The following ERBB2 variants were observed in gnomAD, a reference collection of about 807,000 sequenced individuals.
The protein encoded by ERBB2 is erb-b2 receptor tyrosine kinase 2.
A neutral mutation model predicts 149.0 loss-of-function variants in ERBB2; 61 were observed. The ratio of observed to expected loss-of-function variants is 0.41; its 90% CI spans 0.33 to 0.51. ERBB2 has a LOEUF of 0.51. Ranked by LOEUF, ERBB2 falls within the 20% of genes least tolerant of loss-of-function variation. The pLI, the probability that ERBB2 is intolerant of heterozygous loss-of-function variation, is 0.25. For synonymous variants in ERBB2, 633 were observed against 678.8 expected, an observed-to-expected ratio of 0.93 and a Z score of 1.05; for missense variants, 1,205 against 1,655.1, an observed-to-expected ratio of 0.73 and a Z score of 4.72.
intron 2 of ERBB2, 189 bp from the exon 3 acceptor site, chr17:39,708,132 A>T: frequency 1.9e-6 from 1 of 539,550 alleles, no homozygotes; most frequent in South Asian, 2.8e-5. Flanking sequence ...TTTCTTGATC[A>T]TATAAGAATC....
At chr17:39,710,621 C>G (rs553605764) in intron 7 of ERBB2, 140 bp downstream of exon 7, 1 of 1,044,864 alleles carries the variant, frequency 9.6e-7, no homozygotes, top group Admixed American at 2.2e-5. Context: ...CTTGTTCTTT[C>G]AACAGCTGTG....
chr17:39,708,273 G>A, intron 2 of ERBB2, 48 bp from the exon 3 acceptor site: 1 of 1,517,464 alleles, frequency 6.6e-7, no homozygotes, highest in Non-Finnish European at 9.1e-7. Context: ...GAGGCCCTGG[G>A]GGGTGGCAGT....
At position 39,710,443 on chromosome 17, in the gene ERBB2, G is replaced by A. The variant is rs760205387; in HGVS notation, c.863G>A (p.Arg288Gln). Residue 288 changes from arginine (R) to glutamine (Q), a missense_variant, in exon 7 of 27, where the codon CGG becomes CAG. Physicochemically the swap from Arg to Gln is conservative, Grantham distance 43. Transcript: ENST00000269571. ...TFESMPNPEG[R>Q]YTFGASCVTA... ...GAGTCCATGCCCAATCCCGAGGGCC[G>A]GTATACATTCGGCGCCAGCTGTGTG... The A allele has an allele frequency of 8.1e-5, 131 of 1,613,920 alleles. No homozygotes were observed. The highest frequency in any genetic ancestry group is 9.3e-5 in the Non-Finnish European group (110 of 1,180,032).
At chr17:39,710,998 C>T (rs892252128) in intron 7 of ERBB2, among the ~76,000 whole-genome samples, 5 of 152,190 alleles carry the variant, frequency 3.3e-5, no homozygotes, top group African/African-American at 9.7e-5. Context: ...CTCCCAGGTT[C>T]GTGCTATTCT....
chr17:39,696,267 C>G (rs535246549), upstream of ERBB2, among the ~76,000 whole-genome samples: 1 of 152,196 alleles, frequency 6.6e-6, no homozygotes, highest in South Asian at 2.1e-4. Flanking sequence ...AGGCTCGGCC[C>G]CTCTCGAGCC....
rs373165016 is a variant in ERBB2 at position 39,725,078 on chromosome 17, C to T, written c.2523C>T (p.Leu841=). 2.2e-5 allele frequency: 36 copies of T among 1,614,000 alleles called. No homozygotes were observed. The highest frequency in any genetic ancestry group is 1.6e-4 in the Middle Eastern group (1 of 6,084). Residue 841 remains leucine (L), a synonymous_variant, in exon 21 of 27, where the codon CTC becomes CTT. Transcript: ENST00000269571. The surrounding 1 kb of genome is among the most constrained non-coding windows in gnomAD (Gnocchi z 4.6). ...KGMSYLEDVR[L]VHRDLAARNV... Reference sequence around the variant, plus strand: ...TGAGCTACCTGGAGGATGTGCGGCTCGTACACAGGGACTTGGCCGCTCGGA... The same window carrying T: ...TGAGCTACCTGGAGGATGTGCGGCTTGTACACAGGGACTTGGCCGCTCGGA...
In ERBB2 at chr17:39,725,923, G is replaced by A. The variant is rs2143090798; in HGVS notation, c.2872+70G>A. On this transcript the variant is annotated intron_variant, in intron 23 of 26. Transcript: ENST00000269571. The surrounding 1 kb of genome is among the most constrained non-coding windows in gnomAD (Gnocchi z 4.6). ...TCCTGGGTGGAGGAGCCCACAAGGG[G>A]CATGAAAGGGGACCAGGATGTATGT... 2 of 1,536,092 alleles carry A rather than the reference G, an allele frequency of 1.3e-6. No individual in the cohort carries two copies. Among genetic ancestry groups the A allele is most frequent in the East Asian group, 2.3e-5 (1 of 44,440 alleles).
At position 39,727,983 on chromosome 17, in the gene ERBB2, C is replaced by T. The variant is rs2143317422; in HGVS notation, c.3707C>T (p.Thr1236Ile). The T allele has an allele frequency of 6.2e-7, 1 of 1,613,280 alleles. No individual in the cohort carries two copies. Among genetic ancestry groups the T allele is most frequent in the South Asian group, 1.1e-5 (1 of 91,086 alleles). Residue 1236 changes from threonine to isoleucine, a missense_variant, in exon 27 of 27, where the codon ACC becomes ATC. Coordinates refer to ENST00000269571, the MANE Select transcript of ERBB2 (RefSeq NM_004448.4). This position sits in a 1 kb window ranked among gnomAD's most constrained non-coding sequence, Gnocchi z 4.3. ...CCAGAGCGGGGGGCTCCACCCAGCA[C>T]CTTCAAAGGGACACCTACGGCAGAG... Reference protein sequence around the residue: ...DPPERGAPPSTFKGTPTAENP... With the variant: ...DPPERGAPPSIFKGTPTAENP...
chr17:39,698,120 T>C (rs1171818509), upstream of ERBB2, among the ~76,000 whole-genome samples: 1 of 152,238 alleles, frequency 6.6e-6, no homozygotes, highest in Non-Finnish European at 1.5e-5. Flanking sequence ...TGCCAAGTAT[T>C]GCGCTGAGTG....
At position 39,706,907 on chromosome 17, in the gene ERBB2, C is replaced by G. The variant is rs1597859572; in HGVS notation, c.74-83C>G. On this transcript the variant is annotated intron_variant, in intron 1 of 26. Transcript: ENST00000269571. ...CTTCTCCCTGTCTGAGGTGGCATGACTTGGAGTGAGTTTGGATGGGGTGGC... is the reference window on the plus strand; with the variant it reads ...CTTCTCCCTGTCTGAGGTGGCATGAGTTGGAGTGAGTTTGGATGGGGTGGC... The G allele has an allele frequency of 2.2e-6, 3 of 1,380,364 alleles. No homozygotes were observed. The East Asian group carries it at 8.1e-5, about 37-fold the overall frequency. The allele number at this position is 1,380,364 out of a possible 1,614,324, so 85.5% of individuals were successfully genotyped here. A position where few individuals can be genotyped will look rare whatever the true frequency, so the allele number is the denominator to read the frequency against.
At chr17:39,708,041 G>A in intron 2 of ERBB2, 1 of 352,902 alleles carries the variant, frequency 2.8e-6, no homozygotes, top group Non-Finnish European at 5.1e-6. Context: ...CCAGGCCTTT[G>A]CTTTCACTGA....
rs2145859643 is a variant in ERBB2 at position 39,725,003 on chromosome 17, G to C, written c.2494-46G>C. On this transcript the variant is annotated intron_variant, in intron 20 of 26. Coordinates refer to ENST00000269571, the MANE Select transcript of ERBB2 (RefSeq NM_004448.4). This position sits in a 1 kb window ranked among gnomAD's most constrained non-coding sequence, Gnocchi z 4.6. ...GGGACTCTTGCTGGGCATGTGGCCA[G>C]GCCCAGGCCCTCCCAGAAGGTCTAC... 6.2e-7 allele frequency: 1 copy of C among 1,611,716 alleles called. No homozygotes were observed. The highest frequency in any genetic ancestry group is 1.1e-5 in the South Asian group (1 of 90,980).
chr17:39,721,850 C>T (rs891561247), intron 16 of ERBB2, among the ~76,000 whole-genome samples: 5 of 152,170 alleles, frequency 3.3e-5, no homozygotes, highest in African/African-American at 1.2e-4. Context: ...AATATACATT[C>T]AGTATAAACC....
chr17:39,695,701 G>GCACA (rs1226871960), upstream of ERBB2, among the ~76,000 whole-genome samples: 11 of 41,812 alleles, frequency 2.6e-4, no homozygotes, highest in African/African-American at 8.7e-4. Flanking sequence ...TTTGGTGCAT[G>GCACA]CATACACACA....
chr17:39,691,574 T>TATATATATATATATACACACAC (rs1244087250), upstream of ERBB2, among the ~76,000 whole-genome samples: 9 of 122,042 alleles, frequency 7.4e-5, no homozygotes, highest in Admixed American at 1.6e-4. Flanking sequence ...TATATATATA[T>TATATATATATATATACACACAC]ACACACACAC....
chr17:39,715,057 T>C (rs545970684), intron 9 of ERBB2, among the ~76,000 whole-genome samples: 15 of 152,360 alleles, frequency 9.8e-5, no homozygotes, highest in African/African-American at 3.6e-4. Flanking sequence ...CGTGAGCCAC[T>C]GAGCCCAGGC....
chr17:39,723,249 C>T lies in ERBB2; in HGVS notation c.1947-70C>T. On this transcript the variant is annotated intron_variant, in intron 16 of 26. Transcript: ENST00000269571. The surrounding 1 kb of genome is among the most constrained non-coding windows in gnomAD (Gnocchi z 6.2). ...CCGAATGCCAAACACCTTCATGTCCCCCGTGGGCCCCCTTTGTCCCTCCCA... is the reference window on the plus strand; with the variant it reads ...CCGAATGCCAAACACCTTCATGTCCTCCGTGGGCCCCCTTTGTCCCTCCCA... 5 of 1,493,310 alleles carry T rather than the reference C, an allele frequency of 3.3e-6. No homozygotes were observed. The highest frequency in any genetic ancestry group is 1.4e-5 in the African/African-American group (1 of 72,724). The allele number at this position is 1,493,310 out of a possible 1,614,324, so 92.5% of individuals were successfully genotyped here.
chr17:39,726,010 A>G lies in ERBB2; in HGVS notation c.2872+157A>G. The G allele has an allele frequency of 1.4e-6, 1 of 711,982 alleles. No individual in the cohort carries two copies. Among genetic ancestry groups the G allele is most frequent in the African/African-American group, 1.8e-5 (1 of 55,284 alleles). The allele number at this position is 711,982 out of a possible 1,614,324, so 44.1% of individuals were successfully genotyped here. On this transcript the variant is annotated intron_variant, in intron 23 of 26. Coordinates refer to ENST00000269571, the MANE Select transcript of ERBB2 (RefSeq NM_004448.4). The surrounding 1 kb of genome is among the most constrained non-coding windows in gnomAD (Gnocchi z 5.1). ...CCTTCTTGTATCCCTTTTACAGTCA[A>G]AGTCCAAAGCCACTCTTGAGGAACA...
upstream of ERBB2, among the ~76,000 whole-genome samples, chr17:39,691,916 C>G (rs1330423717): frequency 2.0e-5 from 2 of 97,770 alleles, no homozygotes; most frequent in African/African-American, 8.2e-5. Context: ...TATACATATA[C>G]ATATACATAT....
Sources: allele counts gnomAD v4.1 joint callset (sites outside exome capture counted in the v4.1 genomes callset), GRCh38; gene constraint gnomAD v4.1.1; non-coding constraint Gnocchi (gnomAD v3.1); transcripts MANE v1.5; gene names NCBI Gene and HGNC (gene_info 2026-07-23, HGNC 2026-07-21).